Variants in PTPRN2 observed in about 807,000 individuals in gnomAD.
PTPRN2 encodes protein tyrosine phosphatase receptor type N2.
A neutral mutation model predicts 118.8 loss-of-function variants in PTPRN2; 74 were observed. The observed-to-expected ratio is 0.62, with a 90% CI of 0.52 to 0.76. The LOEUF (loss-of-function observed/expected upper bound fraction) is 0.76. Ranked by LOEUF, PTPRN2 falls within the 30% of genes least tolerant of loss-of-function variation. The pLI is 0.00. For synonymous variants in PTPRN2, 641 were observed against 608.0 expected (o/e 1.05, Z -0.80); for missense variants, 1,481 against 1,394.4 (o/e 1.06, Z -0.99).
At chr7:157,747,305 G>T (rs1453646084) in intron 12 of PTPRN2, among the ~76,000 whole-genome samples, 32 of 131,560 alleles carry the variant, frequency 2.4e-4, no homozygotes, top group Admixed American at 1.0e-3. Context: ...TGAGCTGTGG[G>T]GTGTCCGGGT....
At chr7:157,804,981 T>C (rs2151103485) in intron 12 of PTPRN2, among the ~76,000 whole-genome samples, 1 of 152,328 alleles carries the variant, frequency 6.6e-6, no homozygotes, top group East Asian at 1.9e-4. Flanking sequence ...TTGCTGCCCC[T>C]GAGCTCTCAG....
chr7:158,057,142 C>T (rs184797689), intron 11 of PTPRN2, among the ~76,000 whole-genome samples: 1 of 152,360 alleles, frequency 6.6e-6, no homozygotes, highest in African/African-American at 2.4e-5. Context: ...ATCATCAATC[C>T]TCTGCAATTC....
At chr7:157,642,469 G>A (rs1005241120) in intron 14 of PTPRN2, among the ~76,000 whole-genome samples, 1 of 152,176 alleles carries the variant, frequency 6.6e-6, no homozygotes, top group Non-Finnish European at 1.5e-5. Context: ...GCAGATGCAG[G>A]AGTCACTGGA....
intron 14 of PTPRN2, among the ~76,000 whole-genome samples, chr7:157,626,649 A>T (rs1228885198): frequency 6.6e-6 from 1 of 152,110 alleles, no homozygotes; most frequent in Non-Finnish European, 1.5e-5. Flanking sequence ...GATTCTTCTC[A>T]TGAGATTAAT....
rs1172723669 is a variant in PTPRN2 at position 158,360,063 on chromosome 7, G to C, written c.164-43131C>G. 1.2e-3 allele frequency among the ~76,000 whole-genome samples: 157 copies of C among 132,138 alleles called. 4 individuals carry two copies. Among genetic ancestry groups the C allele is most frequent in the African/African-American group, 4.3e-3 (138 of 32,386 alleles). 86.7% of individuals were successfully genotyped at this position (132,138 alleles called of 152,430 possible). Reference sequence around the variant, plus strand: ...CAAGTCCACCCACACCCAGGACGACGCACAGACCCCACATCCACCCTCACC... The same window carrying C: ...CAAGTCCACCCACACCCAGGACGACCCACAGACCCCACATCCACCCTCACC... On this transcript the variant is annotated intron_variant, in intron 2 of 22. Coordinates refer to ENST00000389418, the MANE Select transcript of PTPRN2 (RefSeq NM_002847.5).
intron 5 of PTPRN2, among the ~76,000 whole-genome samples, chr7:158,171,312 T>TATATATATATATATATACATAC (rs1823655789): frequency 9.4e-5 from 3 of 31,882 alleles, no homozygotes; most frequent in African/African-American, 3.2e-4. Flanking sequence ...TACACACATA[T>TATATATATATATATATACATAC]ATATATATAT....
chr7:158,172,043 A>G (rs879871840), intron 5 of PTPRN2, among the ~76,000 whole-genome samples: 1 of 152,198 alleles, frequency 6.6e-6, no homozygotes, highest in Non-Finnish European at 1.5e-5. Flanking sequence ...CCAAAGTCTG[A>G]TGATGTTTAA....
chr7:158,177,961 T>A (rs1029917559), intron 5 of PTPRN2, among the ~76,000 whole-genome samples: 4 of 152,236 alleles, frequency 2.6e-5, no homozygotes. Flanking sequence ...TCGTTGTTAA[T>A]GTTTTACATT....
chr7:158,220,336 A>G (rs1828265718), intron 3 of PTPRN2, among the ~76,000 whole-genome samples: 1 of 152,152 alleles, frequency 6.6e-6, no homozygotes, highest in African/African-American at 2.4e-5. Flanking sequence ...CAGGCAAGGG[A>G]AAGAAATAAA....
At chr7:157,812,124 G>A (rs1355213200) in intron 12 of PTPRN2, among the ~76,000 whole-genome samples, 1 of 152,166 alleles carries the variant, frequency 6.6e-6, no homozygotes, top group African/African-American at 2.4e-5. Flanking sequence ...CATGTTCTCT[G>A]GTGCACACAG....
At chr7:158,001,369 A>G (rs898766549) in intron 11 of PTPRN2, among the ~76,000 whole-genome samples, 7 of 152,018 alleles carry the variant, frequency 4.6e-5, no homozygotes, top group East Asian at 3.9e-4. Flanking sequence ...ACCCAGAGGT[A>G]GAGTTCACGT....
chr7:157,817,135 C>T (rs1226793468), intron 12 of PTPRN2, among the ~76,000 whole-genome samples: 1 of 152,270 alleles, frequency 6.6e-6, no homozygotes. Flanking sequence ...CCCTCCTCCC[C>T]AGGCTGCTTA....
intron 2 of PTPRN2, among the ~76,000 whole-genome samples, chr7:158,341,933 A>G (rs1240643398): frequency 6.0e-3 from 742 of 123,734 alleles, no homozygotes; most frequent in African/African-American, 0.023. Context: ...TCACACCCAC[A>G]TTCTCACCAT....
intron 6 of PTPRN2, among the ~76,000 whole-genome samples, chr7:158,142,690 C>T (rs1283608679): frequency 1.3e-5 from 2 of 152,302 alleles, no homozygotes; most frequent in East Asian, 3.9e-4. Context: ...ATGCTACCTT[C>T]AAAGAAAGCT....
intron 11 of PTPRN2, among the ~76,000 whole-genome samples, chr7:158,075,856 C>T (rs568369413): frequency 5.9e-5 from 9 of 152,222 alleles, no homozygotes; most frequent in East Asian, 1.9e-4. Context: ...CCCCAGCCTG[C>T]GTTGATCCTG....
intron 2 of PTPRN2, among the ~76,000 whole-genome samples, chr7:158,437,977 C>A (rs1026472861): frequency 7.9e-5 from 12 of 152,248 alleles, no homozygotes; most frequent in African/African-American, 2.9e-4. Context: ...CTCCACAGCC[C>A]TTGCCTGGTT....
At chr7:157,963,806 T>C (rs1052066116) in intron 11 of PTPRN2, among the ~76,000 whole-genome samples, 1 of 152,240 alleles carries the variant, frequency 6.6e-6, no homozygotes, top group South Asian at 2.1e-4. Context: ...TCGTTCATCT[T>C]TCCAGTCCAA....
At chr7:158,189,505 C>T (rs1474284250) in intron 5 of PTPRN2, among the ~76,000 whole-genome samples, 2 of 152,204 alleles carry the variant, frequency 1.3e-5, no homozygotes, top group African/African-American at 4.8e-5. Context: ...TTTCTCTATT[C>T]AGTAGCCCGT....
chr7:157,545,051 T>C (rs1464695077), intron 22 of PTPRN2, among the ~76,000 whole-genome samples: 1 of 141,448 alleles, frequency 7.1e-6, no homozygotes, highest in African/African-American at 2.7e-5. Context: ...TGGAGGTGTG[T>C]GGGTGTGTGC....
Sources: allele counts gnomAD v4.1 joint callset (sites outside exome capture counted in the v4.1 genomes callset), GRCh38; gene constraint gnomAD v4.1.1; transcripts MANE v1.5; gene names NCBI Gene and HGNC (gene_info 2026-07-23, HGNC 2026-07-21).